The following TPH2 variants were observed in gnomAD, a reference collection of about 807,000 sequenced individuals.
The protein encoded by TPH2 is tryptophan hydroxylase 2.
Under a neutral mutation model 59.1 loss-of-function variants are expected in TPH2, and 27 were observed. The ratio of observed to expected loss-of-function variants is 0.46; its 90% CI spans 0.34 to 0.63. The LOEUF (loss-of-function observed/expected upper bound fraction) is 0.63. Among genes scored for constraint, TPH2 ranks in the 30% least tolerant of loss-of-function variants. The pLI is 0.01. For synonymous variants in TPH2, 220 were observed against 210.5 expected (o/e 1.05, Z -0.39); for missense variants, 523 against 588.3 (o/e 0.89, Z 1.15).
intron 5 of TPH2, among the ~76,000 whole-genome samples, chr12:71,959,804 G>T (rs1329800560): frequency 1.3e-5 from 2 of 152,070 alleles, no homozygotes; most frequent in African/African-American, 2.4e-5. Context: ...TAATTGGGGG[G>T]GGCGTTGCAA....
intron 5 of TPH2, among the ~76,000 whole-genome samples, chr12:71,960,049 T>C (rs1871635031): frequency 6.6e-6 from 1 of 152,226 alleles, no homozygotes. Flanking sequence ...AACTGAGATA[T>C]ATGTGGCTGT....
At chr12:71,968,727 G>A (rs1361527983) in intron 5 of TPH2, among the ~76,000 whole-genome samples, 1 of 152,228 alleles carries the variant, frequency 6.6e-6, no homozygotes, top group Non-Finnish European at 1.5e-5. Context: ...ACAATGCTGA[G>A]CATCTCTGAT....
chr12:72,004,629 G>A (rs571219282), intron 8 of TPH2, among the ~76,000 whole-genome samples: 2 of 152,112 alleles, frequency 1.3e-5, no homozygotes, highest in African/African-American at 4.8e-5. Flanking sequence ...TAAAAGAAAG[G>A]GTTTTCTGGT....
intron 8 of TPH2, among the ~76,000 whole-genome samples, chr12:72,017,763 A>G (rs572640135): frequency 5.2e-4 from 79 of 152,326 alleles, no homozygotes; most frequent in African/African-American, 1.9e-3. Flanking sequence ...GAGGAAACCA[A>G]ATTATATTTT....
At chr12:71,956,986 C>T (rs887919113) in intron 5 of TPH2, among the ~76,000 whole-genome samples, 3 of 152,142 alleles carry the variant, frequency 2.0e-5, no homozygotes, top group Non-Finnish European at 4.4e-5. Context: ...CAACTAATCC[C>T]TATGAAAGAA....
chr12:72,000,762 C>T (rs185163345), intron 8 of TPH2, among the ~76,000 whole-genome samples: 1 of 152,178 alleles, frequency 6.6e-6, no homozygotes, highest in Non-Finnish European at 1.5e-5. Flanking sequence ...TGAAAACAGA[C>T]CTTTCATCTA....
chr12:71,940,795 T>G (rs1159214892), intron 1 of TPH2, among the ~76,000 whole-genome samples: 1 of 152,252 alleles, frequency 6.6e-6, no homozygotes, highest in Non-Finnish European at 1.5e-5. Context: ...CATTACTTCA[T>G]CAGGCAATAT....
chr12:72,022,177 C>A (rs999017908), intron 8 of TPH2, among the ~76,000 whole-genome samples: 1 of 152,018 alleles, frequency 6.6e-6, no homozygotes. Context: ...ATTCAGGAAG[C>A]GTAAGACTCT....
In TPH2 at chr12:72,012,873, C is replaced by T. The variant is rs554818268; in HGVS notation, c.1069-9526C>T. Among the ~76,000 whole-genome samples, 21 of 152,086 alleles carry T rather than the reference C, an allele frequency of 1.4e-4. No homozygotes were observed. The South Asian group carries it at 3.7e-3, about 27-fold the overall frequency. ...TAGTGTTAAATAAGAAGTCAGGTGG[C>T]CTTCTTTGCAGTTGAAAATGCTCCC... On this transcript the variant is annotated intron_variant, in intron 8 of 10. Coordinates refer to ENST00000333850, the MANE Select transcript of TPH2 (RefSeq NM_173353.4).
At chr12:71,972,814 A>C in intron 6 of TPH2, 99 bp downstream of exon 6, 1 of 1,299,262 alleles carries the variant, frequency 7.7e-7, no homozygotes, top group Non-Finnish European at 1.1e-6. Flanking sequence ...AAAAGGAAAA[A>C]CAGTGATTTA....
At chr12:71,950,083 T>A (rs17110477) in intron 5 of TPH2, among the ~76,000 whole-genome samples, 29,843 of 152,174 alleles carry the variant, frequency 0.2, 3,656 homozygotes, top group East Asian at 0.33. Flanking sequence ...AGAAGACATG[T>A]GTTTGTTTTA....
Position 71,972,643 on chromosome 12 carries a change from C to A in TPH2, c.733C>A (p.Leu245Met), listed in dbSNP as rs754251765. The A allele has an allele frequency of 6.2e-7, 1 of 1,614,198 alleles. No homozygotes were observed. The highest frequency in any genetic ancestry group is 8.5e-7 in the Non-Finnish European group (1 of 1,180,026). Residue 245 changes from leucine to methionine, a missense_variant, in exon 6 of 11, where the codon CTG (leucine) becomes ATG (methionine). Physicochemically the swap from Leu to Met is conservative, Grantham distance 15 (BLOSUM62 2). Coordinates refer to ENST00000333850, the MANE Select transcript of TPH2 (RefSeq NM_173353.4). ...ACREYLKNFP[L>M]LTKYCGYRED... Reference sequence around the variant, plus strand: ...CCGAGAGTATTTGAAAAACTTCCCTCTGCTGACTAAATACTGTGGCTACAG... The same window carrying A: ...CCGAGAGTATTTGAAAAACTTCCCTATGCTGACTAAATACTGTGGCTACAG...
At chr12:71,951,316 G>A (rs536199775) in intron 5 of TPH2, among the ~76,000 whole-genome samples, 6 of 152,118 alleles carry the variant, frequency 3.9e-5, no homozygotes, top group Non-Finnish European at 7.3e-5. Flanking sequence ...GCGGAATCAG[G>A]TCATGACTGT....
intron 9 of TPH2, among the ~76,000 whole-genome samples, chr12:72,028,207 T>C (rs1873621721): frequency 6.6e-6 from 1 of 152,130 alleles, no homozygotes. Flanking sequence ...CTGCAGGAAG[T>C]TGGATTAATT....
At position 72,032,291 on chromosome 12, in the gene TPH2, C is replaced by T. The variant is rs1044375156; in HGVS notation, c.*596C>T. The stretch of plus-strand genomic sequence containing the variant: ...TTTACAAATGGAATTATGTAGGTTG[C>T]GTTGACCTTGTAGAACCTGAGTTAT... On this transcript the variant is annotated 3_prime_UTR_variant, in exon 11 of 11. Transcript: ENST00000333850. The T allele has an allele frequency of 1.9e-5, 3 of 155,670 alleles. No individual in the cohort carries two copies. Among genetic ancestry groups the T allele is most frequent in the Non-Finnish European group, 2.8e-5 (2 of 70,186 alleles). The allele number at this position is 155,670 out of a possible 1,614,324, so 9.6% of individuals were successfully genotyped here. A position where few individuals can be genotyped will look rare whatever the true frequency, so the allele number is the denominator to read the frequency against.
At chr12:71,940,728 T>C (rs1566108596) in intron 1 of TPH2, among the ~76,000 whole-genome samples, 1 of 152,214 alleles carries the variant, frequency 6.6e-6, no homozygotes, top group Non-Finnish European at 1.5e-5. Context: ...TTTCTGGCAA[T>C]GTGACCTGAG....
intron 5 of TPH2, among the ~76,000 whole-genome samples, chr12:71,955,819 C>T (rs563162232): frequency 9.5e-4 from 145 of 152,296 alleles, no homozygotes; most frequent in African/African-American, 3.0e-3. Flanking sequence ...CCACTCCCCT[C>T]GGCCAAGGCT....
At chr12:72,009,838 G>A (rs1873053303) in intron 8 of TPH2, among the ~76,000 whole-genome samples, 2 of 152,160 alleles carry the variant, frequency 1.3e-5, no homozygotes, top group Admixed American at 1.3e-4. Context: ...CATCAATTCT[G>A]GGGGCCTGTA....
intron 5 of TPH2, among the ~76,000 whole-genome samples, chr12:71,967,197 T>C (rs558915225): frequency 1.6e-3 from 238 of 152,326 alleles, no homozygotes; most frequent in African/African-American, 5.2e-3. Flanking sequence ...ATACCTGCCC[T>C]CAATTAGATT....
Sources: gnomAD v4.1 joint callset for allele counts (sites outside exome capture counted in the v4.1 genomes callset) on GRCh38, gnomAD v4.1.1 for gene constraint, MANE v1.5 for transcripts, NCBI Gene and HGNC (gene_info 2026-07-23, HGNC 2026-07-21) for gene names.